TNFRSF11A: variants seen among roughly 807,000 people sequenced by gnomAD.
The protein encoded by TNFRSF11A is TNF receptor superfamily member 11a, also known as tumor necrosis factor receptor superfamily member 11A.
In TNFRSF11A, 32 loss-of-function variants were observed where a neutral mutation model predicts 55.7. The observed-to-expected ratio is 0.57, with a 90% CI of 0.43 to 0.77. The LOEUF (loss-of-function observed/expected upper bound fraction) is 0.77, where lower values mean the gene tolerates loss of function less well. Ranked by LOEUF, TNFRSF11A falls within the 30% of genes least tolerant of loss-of-function variation. The pLI, the probability that TNFRSF11A is intolerant of heterozygous loss-of-function variation, is 0.00. For missense variants in TNFRSF11A, 753 were observed against 809.8 expected (o/e 0.93, Z 0.85); for synonymous variants, 311 against 331.0 (o/e 0.94, Z 0.65).
chr18:62,328,052 A>G lies in TNFRSF11A; in HGVS notation c.75+2625A>G, dbSNP rs199536199. ...TGCAAGAGCAGGTGCGTGCATACGC[A>G]GGACAACAGACATTGGTGGTGTCAA... On this transcript the variant is annotated intron_variant, in intron 1 of 9. Transcript: ENST00000586569. Among the ~76,000 whole-genome samples the G allele has an allele frequency of 2.6e-5, 4 of 152,388 alleles. No homozygotes were observed. The East Asian group carries it at 7.7e-4, about 29-fold the overall frequency.
At chr18:62,345,718 G>A (rs546830612) in intron 1 of TNFRSF11A, among the ~76,000 whole-genome samples, 172 of 152,216 alleles carry the variant, frequency 1.1e-3, no homozygotes, top group Admixed American at 3.2e-3. Context: ...TTTATGGTCC[G>A]TGAATTTTAT....
chr18:62,350,035 T>C, intron 3 of TNFRSF11A, 98 bp downstream of exon 3: 10 of 1,543,420 alleles, frequency 6.5e-6, no homozygotes, highest in Non-Finnish European at 8.8e-6. Flanking sequence ...ATGTTTCGTT[T>C]CAGGAACATG....
At chr18:62,359,146 G>A (rs1239319344) in intron 5 of TNFRSF11A, among the ~76,000 whole-genome samples, 3 of 152,082 alleles carry the variant, frequency 2.0e-5, no homozygotes, top group African/African-American at 7.2e-5. Flanking sequence ...AGCTACTCAG[G>A]AGTCAGAGGC....
chr18:62,388,485 CAGAG>C lies in TNFRSF11A; in HGVS notation c.*3452_*3455del, dbSNP rs902431054. ...AATGAGAGGGTAGGGGGTGGACACA[CAGAG>C]GGGAAGATGGCCCCCTTGCCATCTG... is the stretch of plus-strand genomic sequence containing the variant. On this transcript the variant is annotated 3_prime_UTR_variant, in exon 10 of 10. Transcript: ENST00000586569. The C allele has an allele frequency of 3.9e-5, 6 of 152,298 alleles. No individual in the cohort carries two copies. The highest frequency in any genetic ancestry group is 1.4e-4 in the African/African-American group (6 of 41,464). 9.4% of individuals were successfully genotyped at this position (152,298 alleles called of 1,614,324 possible).
intron 3 of TNFRSF11A, among the ~76,000 whole-genome samples, chr18:62,353,590 G>A (rs1908997717): frequency 6.6e-6 from 1 of 152,176 alleles, no homozygotes; most frequent in South Asian, 2.1e-4. Context: ...GATTGATTTT[G>A]GGGTGCAAAT....
At chr18:62,351,002 C>CTT (rs71160826) in intron 3 of TNFRSF11A, among the ~76,000 whole-genome samples, 5,004 of 122,654 alleles carry the variant, frequency 0.041, 167 homozygotes, top group East Asian at 0.072. Flanking sequence ...TTTTTTCTTT[C>CTT]TTTTTTTTTT....
At chr18:62,384,250 T>TTCTGTTCCTCCTCTCCTCCTCC (rs1205657528) in intron 9 of TNFRSF11A, among the ~76,000 whole-genome samples, 2 of 151,262 alleles carry the variant, frequency 1.3e-5, no homozygotes, top group African/African-American at 4.9e-5. Context: ...TCCCCTCCTT[T>TTCTGTTCCTCCTCTCCTCCTCC]TCTGTTCCTC....
At chr18:62,382,760 T>A (rs1600429158) in intron 9 of TNFRSF11A, among the ~76,000 whole-genome samples, 1 of 152,136 alleles carries the variant, frequency 6.6e-6, no homozygotes, top group East Asian at 1.9e-4. Context: ...ACCACACCAG[T>A]TGAACAGTTT....
At chr18:62,378,893 A>G (rs1911075878) in intron 9 of TNFRSF11A, among the ~76,000 whole-genome samples, 1 of 152,184 alleles carries the variant, frequency 6.6e-6, no homozygotes, top group Non-Finnish European at 1.5e-5. Context: ...TCCTGAATTC[A>G]GGCAGCCATT....
chr18:62,376,129 C>T (rs1379944736), intron 9 of TNFRSF11A, among the ~76,000 whole-genome samples: 1 of 152,142 alleles, frequency 6.6e-6, no homozygotes, highest in Non-Finnish European at 1.5e-5. Context: ...GAGGGTTCCA[C>T]AGGAGGGACA....
chr18:62,361,435 G>A lies in TNFRSF11A; in HGVS notation c.617-245G>A, dbSNP rs141434942. On this transcript the variant is annotated intron_variant, in intron 6 of 9. Coordinates refer to ENST00000586569, the MANE Select transcript of TNFRSF11A (RefSeq NM_003839.4). The stretch of plus-strand genomic sequence containing the variant: ...AGAGCTGTTCTAAGGTAGAAACACC[G>A]TAATGGCCCTGGCTGCTCTCCCGTA... Among the ~76,000 whole-genome samples the A allele has an allele frequency of 5.9e-3, 903 of 152,296 alleles. 7 individuals are homozygous for A. The highest frequency in any genetic ancestry group is 9.8e-3 in the Non-Finnish European group (667 of 68,014).
Position 62,384,774 on chromosome 18 carries a change from T to G in TNFRSF11A, c.1591T>G (p.Ser531Ala), listed in dbSNP as rs146599935. The change falls in exon 10 of 10, where the codon TCC becomes GCC. Residue 531 changes from serine to alanine, a missense_variant. This residue lies in a region of TNFRSF11A where 567 missense variants were observed against 596.7 expected (regional missense o/e 0.95). Coordinates refer to ENST00000586569, the MANE Select transcript of TNFRSF11A (RefSeq NM_003839.4). ...ASGNVTGNSNSTFISSGQVMN... is the reference protein window; with the variant it reads ...ASGNVTGNSNATFISSGQVMN... ...AGGAAATGTGACTGGAAACAGTAAC[T>G]CCACGTTCATCTCCAGCGGGCAGGT... is the stretch of plus-strand genomic sequence containing the variant. 6.2e-7 allele frequency: 1 copy of G among 1,612,526 alleles called. No individual in the cohort carries two copies. The highest frequency in any genetic ancestry group is 8.5e-7 in the Non-Finnish European group (1 of 1,179,458).
chr18:62,365,239 G>A (rs1909993230), intron 7 of TNFRSF11A, among the ~76,000 whole-genome samples: 1 of 152,148 alleles, frequency 6.6e-6, no homozygotes, highest in Non-Finnish European at 1.5e-5. Context: ...TGGGATTACA[G>A]GTGTGAGCCA....
chr18:62,361,644 C>G, intron 6 of TNFRSF11A, 36 bp from the exon 7 acceptor site: 1 of 1,560,048 alleles, frequency 6.4e-7, no homozygotes, highest in South Asian at 1.1e-5. Flanking sequence ...ATTAAAGAAT[C>G]TTTACTACCA....
At chr18:62,345,663 G>A (rs1236785830) in intron 1 of TNFRSF11A, among the ~76,000 whole-genome samples, 2 of 152,126 alleles carry the variant, frequency 1.3e-5, no homozygotes, top group Non-Finnish European at 2.9e-5. Flanking sequence ...CCTTGCCAAA[G>A]TGCTAAAAAC....
At chr18:62,354,270 C>A in intron 3 of TNFRSF11A, 121 bp from the exon 4 acceptor site, 1 of 1,280,888 alleles carries the variant, frequency 7.8e-7, no homozygotes, top group Non-Finnish European at 1.0e-6. Context: ...TGGTGATTCA[C>A]TCTGCAGGCC....
rs183664553 is a variant in TNFRSF11A at position 62,354,249 on chromosome 18, G to C, written c.284-142G>C. On this transcript the variant is annotated intron_variant, in intron 3 of 9. Transcript: ENST00000586569. ...TGCGAGGAGGAACTTGGGACTTCTC[G>C]AGCAGTGTCCTGGTGATTCACTCTG... The C allele has an allele frequency of 7.6e-6, 8 of 1,056,122 alleles. No homozygotes were observed. The Admixed American group carries it at 1.3e-4, about 17-fold the overall frequency. 65.4% of individuals were successfully genotyped at this position (1,056,122 alleles called of 1,614,324 possible).
In TNFRSF11A at chr18:62,361,725, C is replaced by T. The variant is rs781169173; in HGVS notation, c.662C>T (p.Ala221Val). 3.0e-5 allele frequency: 49 copies of T among 1,614,026 alleles called. No individual in the cohort carries two copies. The highest frequency in any genetic ancestry group is 1.6e-4 in the Middle Eastern group (1 of 6,084). ...LPGLIILLLF[A>V]SVALVAAIIF... ...GGTTTAATAATTCTGCTTCTCTTCGCGTCTGTGGCCCTGGTGGCTGCCATC... is the reference window on the plus strand; with the variant it reads ...GGTTTAATAATTCTGCTTCTCTTCGTGTCTGTGGCCCTGGTGGCTGCCATC... The change falls in exon 7 of 10, where the codon GCG becomes GTG. Residue 221 changes from alanine (A) to valine (V), a missense_variant. This residue lies in a region of TNFRSF11A where 567 missense variants were observed against 596.7 expected (regional missense o/e 0.95). Coordinates refer to ENST00000586569, the MANE Select transcript of TNFRSF11A (RefSeq NM_003839.4).
At chr18:62,354,313 T>G (rs1909069294) in intron 3 of TNFRSF11A, 78 bp from the exon 4 acceptor site, 2 of 1,458,220 alleles carry the variant, frequency 1.4e-6, no homozygotes, top group Middle Eastern at 5.0e-4. Flanking sequence ...GGCTGGATGT[T>G]GGATAGCGCA....
Sources: gnomAD v4.1 joint callset for allele counts (sites outside exome capture counted in the v4.1 genomes callset) on GRCh38, gnomAD v4.1.1 for gene constraint, gnomAD v4.1.1 regional missense constraint, MANE v1.5 for transcripts, NCBI Gene and HGNC (gene_info 2026-07-23, HGNC 2026-07-21) for gene names.